USP34: variants seen among roughly 807,000 people sequenced by gnomAD.
The protein encoded by USP34 is ubiquitin carboxyl-terminal hydrolase 34.
In USP34, 70 loss-of-function variants were observed where a neutral mutation model predicts 460.3. The observed-to-expected ratio is 0.15, with a 90% CI of 0.13 to 0.19. USP34 has a LOEUF of 0.19. Among genes scored for constraint, USP34 ranks in the 10% least tolerant of loss-of-function variants. The pLI is 1.00. For missense variants in USP34, 3,985 were observed against 4,236.2 expected (o/e 0.94, Z 1.65); for synonymous variants, 1,647 against 1,405.3 (o/e 1.17, Z -3.85).
intron 2 of USP34, among the ~76,000 whole-genome samples, chr2:61,418,164 C>T (rs570908865): frequency 1.2e-3 from 183 of 151,976 alleles, no homozygotes; most frequent in Non-Finnish European, 1.9e-3. Context: ...ACTGCAACCT[C>T]CGCCTCCCAG....
At chr2:61,229,962 G>A (rs1687842526) in intron 58 of USP34, among the ~76,000 whole-genome samples, 1 of 152,112 alleles carries the variant, frequency 6.6e-6, no homozygotes, top group Admixed American at 6.5e-5. Flanking sequence ...CTTAAGAAGA[G>A]TGGAATGGGG....
At position 61,350,589 on chromosome 2, in the gene USP34, C is replaced by T. The variant is rs776618879; in HGVS notation, c.1356G>A (p.Glu452=). Residue 452 remains glutamate, a synonymous_variant, in exon 11 of 80, where the codon GAG becomes GAA. Coordinates refer to ENST00000398571, the MANE Select transcript of USP34 (RefSeq NM_014709.4). ...RHLLNLVSAL[E]PSVHTEQTLY... is the part of the protein sequence containing the mutation. Reference sequence around the variant, plus strand: ...TTACCTGTTCAGTATGAACACTTGGCTCAAGAGCTGAGACCAGATTAAGTA... The same window carrying T: ...TTACCTGTTCAGTATGAACACTTGGTTCAAGAGCTGAGACCAGATTAAGTA... 7 of 1,611,870 alleles carry T rather than the reference C, an allele frequency of 4.3e-6. No homozygotes were observed. In the South Asian group the frequency reaches 5.5e-5, roughly 13 times the overall value.
At chr2:61,277,927 C>G in intron 41 of USP34, 1 of 440,662 alleles carries the variant, frequency 2.3e-6, no homozygotes, top group Non-Finnish European at 4.0e-6. Flanking sequence ...CTTTTTTTGC[C>G]TGCCGCCATC....
At position 61,259,787 on chromosome 2, in the gene USP34, A is replaced by C. The variant is rs368762822; in HGVS notation, c.5779-11T>G. On this transcript the variant is annotated splice_polypyrimidine_tract_variant and intron_variant, in intron 43 of 79. Coordinates refer to ENST00000398571, the MANE Select transcript of USP34 (RefSeq NM_014709.4). The stretch of plus-strand genomic sequence containing the variant: ...CATATCCTCTGAATACTGAAAATCA[A>C]GAGAAAACACCATTAAAAACACAGA... The C allele has an allele frequency of 6.5e-5, 104 of 1,611,990 alleles. No homozygotes were observed. The African/African-American group carries it at 1.2e-3, about 19-fold the overall frequency.
intron 39 of USP34, 21 bp downstream of exon 39, chr2:61,280,223 T>C: frequency 7.6e-7 from 1 of 1,309,314 alleles, no homozygotes; most frequent in Non-Finnish European, 1.1e-6. Context: ...CATAGAATAG[T>C]ATATAATTTT....
intron 22 of USP34, among the ~76,000 whole-genome samples, chr2:61,318,890 A>C (rs1169421339): frequency 6.6e-6 from 1 of 152,212 alleles, no homozygotes; most frequent in Non-Finnish European, 1.5e-5. Flanking sequence ...AAAAACAAAC[A>C]CTAAGAAAAT....
chr2:61,430,249 C>G, intron 1 of USP34, among the ~76,000 whole-genome samples: 1 of 138,870 alleles, frequency 7.2e-6, no homozygotes, highest in South Asian at 2.3e-4. Context: ...AAAAAAAATA[C>G]AAAAATTAGC....
At chr2:61,447,254 CAAAAAAAAAAAAAAAAAA>C (rs763711140) in intron 1 of USP34, among the ~76,000 whole-genome samples, 4 of 59,620 alleles carry the variant, frequency 6.7e-5, no homozygotes, top group Admixed American at 6.1e-4. Context: ...AACTGTCTTC[CAAAAAAAAAAAAAAAAAA>C]AAAAAAAAAA....
intron 20 of USP34, among the ~76,000 whole-genome samples, chr2:61,330,341 A>G (rs1005709800): frequency 1.3e-5 from 2 of 152,236 alleles, no homozygotes; most frequent in Admixed American, 6.5e-5. Flanking sequence ...ATGTTTGGAA[A>G]TAAGAGTACA....
At chr2:61,355,224 T>G (rs141226939) in intron 10 of USP34, among the ~76,000 whole-genome samples, 1 of 152,096 alleles carries the variant, frequency 6.6e-6, no homozygotes. Context: ...TAAATTGTCT[T>G]GCAAAGAGAA....
chr2:61,314,865 A>G lies in USP34; in HGVS notation c.3382+10T>C, dbSNP rs1690696246. 1 of 1,602,148 alleles carries G rather than the reference A, an allele frequency of 6.2e-7. No homozygotes were observed. The highest frequency in any genetic ancestry group is 1.3e-5 in the African/African-American group (1 of 74,278). ...AAATTACCTATCAGACAATGTTTCA[A>G]ATCACTTACCATTAATATAATAGGA... On this transcript the variant is annotated intron_variant, in intron 24 of 79. Transcript: ENST00000398571.
At chr2:61,319,368 A>C in intron 21 of USP34, 41 bp from the exon 22 acceptor site, 1 of 1,405,914 alleles carries the variant, frequency 7.1e-7, no homozygotes, top group Non-Finnish European at 9.4e-7. Flanking sequence ...TTAACTACAT[A>C]CAAAAAAATT....
chr2:61,190,510 C>T lies in USP34; in HGVS notation c.9729+8G>A, dbSNP rs1162657004. 6.2e-7 allele frequency: 1 copy of T among 1,612,930 alleles called. No individual in the cohort carries two copies. The highest frequency in any genetic ancestry group is 8.5e-7 in the Non-Finnish European group (1 of 1,179,620). On this transcript the variant is annotated splice_region_variant and intron_variant, in intron 77 of 79. Transcript: ENST00000398571. ...AATGACACACTGAGTTTCCAAAGTA[C>T]TACGTACCTTTAGAAGGAAATGTGT... is the stretch of plus-strand genomic sequence containing the variant.
At chr2:61,301,572 G>T in intron 27 of USP34, 118 bp from the exon 28 acceptor site, 1 of 878,918 alleles carries the variant, frequency 1.1e-6, no homozygotes, top group Non-Finnish European at 1.7e-6. Context: ...TGTAATCTAA[G>T]GTAAAGACAG....
chr2:61,228,450 T>C (rs549833404), intron 61 of USP34, among the ~76,000 whole-genome samples, 195 bp downstream of exon 61: 1 of 152,346 alleles, frequency 6.6e-6, no homozygotes, highest in South Asian at 2.1e-4. Flanking sequence ...ATGAACTTCA[T>C]TACCTAGTTG....
Position 61,470,766 on chromosome 2 carries a change from G to A in USP34, c.-74C>T. 2.2e-6 allele frequency: 3 copies of A among 1,364,730 alleles called. No homozygotes were observed. Among genetic ancestry groups the A allele is most frequent in the East Asian group, 2.8e-5 (1 of 36,062 alleles). The allele number at this position is 1,364,730 out of a possible 1,614,324, so 84.5% of individuals were successfully genotyped here. A position where few individuals can be genotyped will look rare whatever the true frequency, so the allele number is the denominator to read the frequency against. On this transcript the variant is annotated 5_prime_UTR_variant, in exon 1 of 80. Coordinates refer to ENST00000398571, the MANE Select transcript of USP34 (RefSeq NM_014709.4). ...ATCCCGACCGGCGGGGGGGAGGGGA[G>A]AGAGGCGGAGGAGGGGGCCGGCCGG... is the stretch of plus-strand genomic sequence containing the variant.
intron 15 of USP34, among the ~76,000 whole-genome samples, chr2:61,346,038 G>A (rs1414666730): frequency 1.3e-5 from 2 of 152,102 alleles, no homozygotes; most frequent in Non-Finnish European, 2.9e-5. Flanking sequence ...TTTTATGCTG[G>A]AGCTTACCCT....
intron 10 of USP34, among the ~76,000 whole-genome samples, chr2:61,361,237 C>CAATTT (rs1313449089): frequency 1.3e-5 from 2 of 152,032 alleles, no homozygotes; most frequent in East Asian, 3.9e-4. Flanking sequence ...ACAGCAAGAC[C>CAATTT]CAGTCTCTAC....
chr2:61,299,609 G>A (rs78746185), intron 29 of USP34, among the ~76,000 whole-genome samples: 1,609 of 152,080 alleles, frequency 0.011, 33 homozygotes, highest in African/African-American at 0.037. Flanking sequence ...AAATTAGCCA[G>A]GCACATTGGC....
Sources: gnomAD v4.1 joint callset for allele counts (sites outside exome capture counted in the v4.1 genomes callset) on GRCh38, gnomAD v4.1.1 for gene constraint, MANE v1.5 for transcripts, NCBI Gene and HGNC (gene_info 2026-07-23, HGNC 2026-07-21) for gene names.